The following GNAO1 variants were observed in gnomAD, a reference collection of about 807,000 sequenced individuals.
GNAO1 encodes guanine nucleotide-binding protein G(o) subunit alpha.
For missense variants in GNAO1, 166 were observed against 478.7 expected (o/e 0.35, Z 6.10); for synonymous variants, 164 against 180.7 (o/e 0.91, Z 0.74).
At chr16:56,281,329 T>A (rs1363919616) in intron 3 of GNAO1, among the ~76,000 whole-genome samples, 17 of 152,054 alleles carry the variant, frequency 1.1e-4, no homozygotes, top group African/African-American at 4.1e-4. Flanking sequence ...CCTGCTGTTC[T>A]CAAACATCCT....
chr16:56,344,197 CTG>C, intron 6 of GNAO1: 1 of 1,411,694 alleles, frequency 7.1e-7, no homozygotes, highest in East Asian at 2.6e-5. Context: ...CTCACAGCCT[CTG>C]TGTCATCTCT....
chr16:56,355,919 G>C (rs775227326), intron 8 of GNAO1, 184 bp from the exon 9 acceptor site: 4 of 152,248 alleles, frequency 2.6e-5, no homozygotes, highest in African/African-American at 7.2e-5. Flanking sequence ...GGGTCTCAGG[G>C]GGGGGCCAGG....
intron 3 of GNAO1, among the ~76,000 whole-genome samples, chr16:56,322,259 C>G (rs2037580505): frequency 6.6e-6 from 1 of 152,164 alleles, no homozygotes; most frequent in Admixed American, 6.5e-5. Context: ...GTGAGTCTGC[C>G]CAGAGAACAT....
At chr16:56,214,512 A>T (rs1423293045) in intron 2 of GNAO1, among the ~76,000 whole-genome samples, 11 of 152,238 alleles carry the variant, frequency 7.2e-5, no homozygotes, top group Non-Finnish European at 1.3e-4. Flanking sequence ...AACACATCAA[A>T]ACCATAGTTT....
At chr16:56,328,481 C>A in intron 3 of GNAO1, 150 bp from the exon 4 acceptor site, 1 of 732,716 alleles carries the variant, frequency 1.4e-6, no homozygotes, top group Non-Finnish European at 2.2e-6. Flanking sequence ...CAGGTCGTGG[C>A]CCTCCCTGGA....
Position 56,334,816 on chromosome 16 carries a change from C to T in GNAO1, c.552C>T (p.Gly184=). ...TCCGAACCAGGGTCAAAACCACTGGCATCGTAGAAACCCACTTCACATTCA... is the reference window on the plus strand; with the variant it reads ...TCCGAACCAGGGTCAAAACCACTGGTATCGTAGAAACCCACTTCACATTCA... ...DILRTRVKTT[G]IVETHFTFKN... The change falls in exon 5 of 9, where the codon GGC becomes GGT. Residue 184 remains glycine (G), a synonymous_variant. Coordinates refer to ENST00000262493, the MANE Select transcript of GNAO1 (RefSeq NM_020988.3). 1 of 1,614,080 alleles carries T rather than the reference C, an allele frequency of 6.2e-7. No individual in the cohort carries two copies. The highest frequency in any genetic ancestry group is 8.5e-7 in the Non-Finnish European group (1 of 1,180,002).
At chr16:56,238,395 C>T (rs575321751) in intron 2 of GNAO1, among the ~76,000 whole-genome samples, 13 of 152,226 alleles carry the variant, frequency 8.5e-5, no homozygotes, top group Non-Finnish European at 1.9e-4. Flanking sequence ...AGAGGCACAG[C>T]GGGTTCTAAC....
At chr16:56,349,574 A>G (rs1351698373) in intron 6 of GNAO1, among the ~76,000 whole-genome samples, 2 of 152,224 alleles carry the variant, frequency 1.3e-5, no homozygotes, top group East Asian at 1.9e-4. Flanking sequence ...ATGACAGGGA[A>G]ATGCTCCTGG....
chr16:56,340,561 C>A (rs1182667405), intron 6 of GNAO1: 5 of 336,896 alleles, frequency 1.5e-5, no homozygotes, highest in African/African-American at 4.1e-5. Context: ...TCACTGCCCC[C>A]ACCTGGGGCC....
At chr16:56,237,458 G>A (rs1182666997) in intron 2 of GNAO1, among the ~76,000 whole-genome samples, 1 of 152,118 alleles carries the variant, frequency 6.6e-6, no homozygotes, top group Non-Finnish European at 1.5e-5. Context: ...AGAAAGGAGA[G>A]GAAGGAGAGA....
At chr16:56,241,060 C>G (rs2036689551) in intron 2 of GNAO1, among the ~76,000 whole-genome samples, 1 of 152,214 alleles carries the variant, frequency 6.6e-6, no homozygotes. Flanking sequence ...GGCTTTACTT[C>G]CTGCTTTTTG....
At chr16:56,335,718 C>G (rs957961369) in intron 5 of GNAO1, among the ~76,000 whole-genome samples, 13 of 152,216 alleles carry the variant, frequency 8.5e-5, no homozygotes, top group Admixed American at 4.6e-4. Context: ...TTGGTCTCTC[C>G]TGCTCCCCCA....
At chr16:56,205,687 G>A (rs1421724855) in intron 2 of GNAO1, among the ~76,000 whole-genome samples, 1 of 125,760 alleles carries the variant, frequency 8.0e-6, no homozygotes, top group Non-Finnish European at 1.8e-5. Flanking sequence ...GCCATTGGAA[G>A]ACCAGCCATA....
intron 2 of GNAO1, among the ~76,000 whole-genome samples, chr16:56,229,641 A>G (rs1465578920): frequency 6.6e-6 from 1 of 152,192 alleles, no homozygotes; most frequent in Non-Finnish European, 1.5e-5. Context: ...GGATGGATGG[A>G]TGGATGGATG....
At chr16:56,267,052 TC>T (rs2036961239) in intron 2 of GNAO1, among the ~76,000 whole-genome samples, 1 of 151,906 alleles carries the variant, frequency 6.6e-6, no homozygotes, top group Admixed American at 6.6e-5. Context: ...GGAAGCCAGG[TC>T]CCTCCTGCAG....
intron 6 of GNAO1, chr16:56,340,526 G>A (rs755939943): frequency 1.1e-4 from 39 of 362,942 alleles, no homozygotes; most frequent in Middle Eastern, 7.8e-4. Flanking sequence ...TGTCCTCTCC[G>A]TGAGCTGGAG....
At chr16:56,291,631 A>C (rs544550879) in intron 3 of GNAO1, among the ~76,000 whole-genome samples, 1 of 151,454 alleles carries the variant, frequency 6.6e-6, no homozygotes, top group Non-Finnish European at 1.5e-5. Flanking sequence ...AGAGTTCCTC[A>C]CTCCCCCAGA....
At chr16:56,196,851 T>C (rs2036237686) in intron 2 of GNAO1, among the ~76,000 whole-genome samples, 1 of 152,200 alleles carries the variant, frequency 6.6e-6, no homozygotes, top group African/African-American at 2.4e-5. Context: ...GATGAAGATG[T>C]CATTGCTCAT....
Position 56,326,649 on chromosome 16 carries a change from C to T in GNAO1, c.304-1982C>T, listed in dbSNP as rs2037635295. Among the ~76,000 whole-genome samples, 1 of 152,200 alleles carries T rather than the reference C, an allele frequency of 6.6e-6. No individual in the cohort carries two copies. Among genetic ancestry groups the T allele is most frequent in the African/African-American group, 2.4e-5 (1 of 41,460 alleles). Reference sequence around the variant, plus strand: ...AATGTGTAGCTTGTCTCAGAATTGCCTCCCTGGGAGGGCAAGGAAGCCGGG... The same window carrying T: ...AATGTGTAGCTTGTCTCAGAATTGCTTCCCTGGGAGGGCAAGGAAGCCGGG... On this transcript the variant is annotated intron_variant, in intron 3 of 8. Transcript: ENST00000262493. The surrounding 1 kb of genome is among the most constrained non-coding windows in gnomAD (Gnocchi z 4.8).
Sources: allele counts gnomAD v4.1 joint callset (sites outside exome capture counted in the v4.1 genomes callset), GRCh38; gene constraint gnomAD v4.1.1; non-coding constraint Gnocchi (gnomAD v3.1); transcripts MANE v1.5; gene names NCBI Gene and HGNC (gene_info 2026-07-23, HGNC 2026-07-21).